Variants in GPR155 observed in about 807,000 individuals in gnomAD.
The protein encoded by GPR155 is lysosomal cholesterol signaling protein.
Under a neutral mutation model 93.1 loss-of-function variants are expected in GPR155, and 65 were observed. The observed-to-expected ratio is 0.70, with a 90% CI of 0.57 to 0.86. GPR155 has a LOEUF of 0.86. Among genes scored for constraint, GPR155 ranks in the 40% least tolerant of loss-of-function variants. The pLI is 0.00. For synonymous variants in GPR155, 319 were observed against 360.1 expected (o/e 0.89, Z 1.29); for missense variants, 838 against 1,034.8 (o/e 0.81, Z 2.61).
chr2:174,477,803 A>C (rs753432068), intron 2 of GPR155, among the ~76,000 whole-genome samples: 11 of 152,186 alleles, frequency 7.2e-5, no homozygotes, highest in Non-Finnish European at 1.2e-4. Context: ...AGGCTCTTGG[A>C]GGGCAGGGAG....
chr2:174,440,062 T>C, intron 14 of GPR155, 27 bp from the exon 15 acceptor site: 1 of 1,599,760 alleles, frequency 6.3e-7, no homozygotes, highest in Non-Finnish European at 8.5e-7. Flanking sequence ...TGGCCATTTT[T>C]AAGGACAGAA....
In GPR155 at chr2:174,434,346, T is replaced by G. The variant is rs994036793; in HGVS notation, c.*1770A>C. 8 of 151,844 alleles carry G rather than the reference T, an allele frequency of 5.3e-5. No homozygotes were observed. Among genetic ancestry groups the G allele is most frequent in the Admixed American group, 5.3e-4 (8 of 15,236 alleles). 9.4% of individuals were successfully genotyped at this position (151,844 alleles called of 1,614,324 possible). On this transcript the variant is annotated 3_prime_UTR_variant, in exon 16 of 16. Coordinates refer to ENST00000392552, the MANE Select transcript of GPR155 (RefSeq NM_152529.7). ...TTAACTACAGGGAATAAAGTAGAAG[T>G]TATCCTGCATTACGATGCTTTGTTC... is the stretch of plus-strand genomic sequence containing the variant.
chr2:174,438,215 A>T (rs1686848318), intron 15 of GPR155, among the ~76,000 whole-genome samples: 1 of 151,998 alleles, frequency 6.6e-6, no homozygotes, highest in South Asian at 2.1e-4. Context: ...AGCCTGGGCG[A>T]TGGGAGTAAG....
At chr2:174,473,847 G>A (rs963724028) in intron 2 of GPR155, among the ~76,000 whole-genome samples, 2 of 152,220 alleles carry the variant, frequency 1.3e-5, no homozygotes, top group African/African-American at 2.4e-5. Flanking sequence ...GAGCACGGAT[G>A]TGGAATCCAA....
chr2:174,453,788 G>C lies in GPR155; in HGVS notation c.1825C>G (p.Pro609Ala). Residue 609 changes from proline (P) to alanine (A), a missense_variant, in exon 11 of 16, where the codon CCA becomes GCA. This residue lies in a region of GPR155 where 663 missense variants were observed against 790.1 expected (regional missense o/e 0.84). Coordinates refer to ENST00000392552, the MANE Select transcript of GPR155 (RefSeq NM_152529.7). ...TCACTGGTGCTTGTGTTTGCTATTG[G>C]CTCTATTGATGGGCAGTGTAATTCA... ...NGELHCPSIEPIANTSTSEPV... is the reference protein window; with the variant it reads ...NGELHCPSIEAIANTSTSEPV... The C allele has an allele frequency of 6.2e-7, 1 of 1,613,492 alleles. No homozygotes were observed.
chr2:174,448,721 T>C (rs1352130336), intron 11 of GPR155, among the ~76,000 whole-genome samples: 2 of 151,336 alleles, frequency 1.3e-5, no homozygotes, highest in African/African-American at 2.4e-5. Flanking sequence ...GTATTTTTAG[T>C]AGAGACGGGG....
chr2:174,451,300 C>T (rs756416754), intron 11 of GPR155, among the ~76,000 whole-genome samples: 53 of 142,686 alleles, frequency 3.7e-4, no homozygotes, highest in Non-Finnish European at 6.2e-4. Context: ...GATGACAGAG[C>T]GAGACTCCAT....
At position 174,466,566 on chromosome 2, in the gene GPR155, G is replaced by A. The variant is rs1250020439; in HGVS notation, c.1244C>T (p.Thr415Ile). Residue 415 changes from threonine to isoleucine, a missense_variant, in exon 6 of 16, where the codon ACA (threonine) becomes ATA (isoleucine). This residue lies in a region of GPR155 where 663 missense variants were observed against 790.1 expected (regional missense o/e 0.84). Transcript: ENST00000392552. Reference sequence around the variant, plus strand: ...AACCTGAGCAATGAGTAAATTAGTTGTAAGCATATGAGGAAGCTGTTTATA... The same window carrying A: ...AACCTGAGCAATGAGTAAATTAGTTATAAGCATATGAGGAAGCTGTTTATA... Reference protein sequence around the residue: ...KKYKQLPHMLTTNLLIAQSIV... With the variant: ...KKYKQLPHMLITNLLIAQSIV... 1.3e-6 allele frequency: 2 copies of A among 1,570,172 alleles called. No homozygotes were observed. The highest frequency in any genetic ancestry group is 4.5e-5 in the East Asian group (2 of 44,426).
rs202072290 is a variant in GPR155, at chr2:174,445,189, G to C, written c.2014-13C>G. 1.5e-5 allele frequency: 20 copies of C among 1,335,532 alleles called. No homozygotes were observed. In the African/African-American group the frequency reaches 2.9e-4, roughly 19 times the overall value. 82.7% of individuals were successfully genotyped at this position (1,335,532 alleles called of 1,614,324 possible). On this transcript the variant is annotated splice_polypyrimidine_tract_variant and intron_variant, in intron 12 of 15. Transcript: ENST00000392552. ...AACTGGAAAGATTCTGTAAAGAAAG[G>C]AGAAAAGAGTATTTTAAAATCAAGC...
intron 2 of GPR155, among the ~76,000 whole-genome samples, chr2:174,477,188 G>A (rs1284832109): frequency 6.6e-6 from 1 of 151,284 alleles, no homozygotes; most frequent in East Asian, 1.9e-4. Context: ...ATTTTTAATT[G>A]ACAAATATAA....
At chr2:174,484,768 C>T (rs1384455141) in intron 1 of GPR155, among the ~76,000 whole-genome samples, 1 of 152,052 alleles carries the variant, frequency 6.6e-6, no homozygotes, top group Non-Finnish European at 1.5e-5. Flanking sequence ...TTAGTCTCTA[C>T]AAAAAATTAG....
intron 10 of GPR155, among the ~76,000 whole-genome samples, chr2:174,455,158 C>A (rs548627781): frequency 6.6e-6 from 1 of 152,024 alleles, no homozygotes; most frequent in East Asian, 1.9e-4. Flanking sequence ...GCCTGGGCAA[C>A]AGAGCGAGAC....
rs527305795 is a variant in GPR155, at chr2:174,472,031, A to G, written c.860+934T>C. 3.0e-4 allele frequency among the ~76,000 whole-genome samples: 45 copies of G among 152,310 alleles called. No homozygotes were observed. In the East Asian group the frequency reaches 6.4e-3, roughly 22 times the overall value. On this transcript the variant is annotated intron_variant, in intron 3 of 15. Coordinates refer to ENST00000392552, the MANE Select transcript of GPR155 (RefSeq NM_152529.7). The stretch of plus-strand genomic sequence containing the variant: ...AGTATGCCTCAAGTACTTTGGGATA[A>G]TCTTGCAGTAAAATTATGTCACCTG...
At chr2:174,467,042 AG>A (rs1687857594) in intron 5 of GPR155, among the ~76,000 whole-genome samples, 2 of 152,106 alleles carry the variant, frequency 1.3e-5, no homozygotes, top group Non-Finnish European at 2.9e-5. Context: ...CTGTAATCCC[AG>A]CTATTCAGAA....
In GPR155 at chr2:174,481,810, G is replaced by A. The variant is rs978387758; in HGVS notation, c.147C>T (p.Cys49=). The A allele has an allele frequency of 1.9e-6, 3 of 1,614,098 alleles. No individual in the cohort carries two copies. Among genetic ancestry groups the A allele is most frequent in the Non-Finnish European group, 2.5e-6 (3 of 1,180,054 alleles). The change falls in exon 2 of 16, where the codon TGC becomes TGT. Residue 49 remains cysteine, a synonymous_variant. Transcript: ENST00000392552. The part of the protein sequence containing the change: ...ITRLFPALLE[C]FGIVLCGYIA... ...TGTAGCCACAAAGGACAATGCCAAA[G>A]CATTCCAGTAAGGCTGGAAAAAGCC...
chr2:174,446,666 T>A lies in GPR155; in HGVS notation c.1958A>T (p.Gln653Leu). The A allele has an allele frequency of 6.2e-7, 1 of 1,614,044 alleles. No individual in the cohort carries two copies. Among genetic ancestry groups the A allele is most frequent in the Non-Finnish European group, 8.5e-7 (1 of 1,179,876 alleles). Residue 653 changes from glutamine to leucine, a missense_variant, in exon 12 of 16, where the codon CAG becomes CTG. By Grantham distance (113) the Gln-to-Leu change is moderately radical. Around this residue, in one of 3 missense-constraint regions of GPR155, gnomAD observed 663 missense variants for 790.1 expected, o/e 0.84. Coordinates refer to ENST00000392552, the MANE Select transcript of GPR155 (RefSeq NM_152529.7). ...EEEQYLQSGD[Q>L]QLTRHVLLCL... The stretch of plus-strand genomic sequence containing the variant: ...CAGCAACACATGTCGGGTCAGTTGC[T>A]GGTCTCCACTCTGTAGATACTGTTC...
At chr2:174,484,001 C>A (rs1266939238) in intron 1 of GPR155, among the ~76,000 whole-genome samples, 2 of 152,196 alleles carry the variant, frequency 1.3e-5, no homozygotes, top group Non-Finnish European at 2.9e-5. Context: ...GTTAAGTCCT[C>A]AAACATCTAT....
At chr2:174,461,280 A>G (rs1687685143) in intron 9 of GPR155, 122 bp downstream of exon 9, 1 of 658,134 alleles carries the variant, frequency 1.5e-6, no homozygotes. Flanking sequence ...AGGATCACCA[A>G]TCTGATATGC....
At chr2:174,438,567 G>C (rs1417378911) in intron 15 of GPR155, among the ~76,000 whole-genome samples, 1 of 151,936 alleles carries the variant, frequency 6.6e-6, no homozygotes, top group Non-Finnish European at 1.5e-5. Context: ...GAGTGCAGTG[G>C]CGTGATCTCA....
Sources: allele counts gnomAD v4.1 joint callset (sites outside exome capture counted in the v4.1 genomes callset), GRCh38; gene constraint gnomAD v4.1.1; regional missense constraint gnomAD v4.1.1; transcripts MANE v1.5; gene names NCBI Gene and HGNC (gene_info 2026-07-23, HGNC 2026-07-21).